The following FHIT variants were observed in gnomAD, a reference collection of about 807,000 sequenced individuals.
FHIT encodes bis(5'-adenosyl)-triphosphatase.
A neutral mutation model predicts 17.9 loss-of-function variants in FHIT; 19 were observed. The observed-to-expected ratio is 1.06, with a 90% CI of 0.74 to 1.56. The LOEUF (loss-of-function observed/expected upper bound fraction) is 1.56, where lower values mean the gene tolerates loss of function less well. FHIT is among the 40% of genes most tolerant of loss of function. The pLI is 0.00. For missense variants in FHIT, 248 were observed against 189.2 expected, an observed-to-expected ratio of 1.31 and a Z score of -1.82; for synonymous variants, 81 against 69.7, an observed-to-expected ratio of 1.16 and a Z score of -0.81.
chr3:61,086,213 T>C (rs983500069), intron 2 of FHIT, among the ~76,000 whole-genome samples: 14 of 152,166 alleles, frequency 9.2e-5, no homozygotes, highest in African/African-American at 2.2e-4. Context: ...TTCACTTAAG[T>C]ATGATATTTG....
chr3:61,144,018 G>T (rs1041843976), intron 2 of FHIT, among the ~76,000 whole-genome samples: 1 of 152,220 alleles, frequency 6.6e-6, no homozygotes, highest in South Asian at 2.1e-4. Context: ...CTATTCTATT[G>T]CCAATGTGCT....
chr3:60,657,034 C>A (rs1054359108), intron 4 of FHIT, among the ~76,000 whole-genome samples: 1 of 151,490 alleles, frequency 6.6e-6, no homozygotes, highest in African/African-American at 2.4e-5. Flanking sequence ...TAGACAAATT[C>A]AAACTCAAAC....
rs528408085 is a variant in FHIT at position 61,095,643 on chromosome 3, A to T, written c.-163-53544T>A. ...CCATCCATTGCCCCAACCTTAAAGC[A>T]TCTGTTTTAAAAAAAAAAATTCATC... is the stretch of plus-strand genomic sequence containing the variant. On this transcript the variant is annotated intron_variant, in intron 2 of 9. Coordinates refer to ENST00000492590, the MANE Select transcript of FHIT (RefSeq NM_002012.4). Among the ~76,000 whole-genome samples, 9 of 151,960 alleles carry T rather than the reference A, an allele frequency of 5.9e-5. No individual in the cohort carries two copies. The South Asian group carries it at 1.7e-3, about 28-fold the overall frequency.
chr3:59,981,539 A>G (rs1291987416), intron 7 of FHIT, among the ~76,000 whole-genome samples: 1 of 152,160 alleles, frequency 6.6e-6, no homozygotes, highest in Non-Finnish European at 1.5e-5. Context: ...AGATTCCCAC[A>G]GTGGCAGTGC....
chr3:61,104,156 T>C (rs2035922901), intron 2 of FHIT, among the ~76,000 whole-genome samples: 1 of 152,214 alleles, frequency 6.6e-6, no homozygotes, highest in South Asian at 2.1e-4. Context: ...GGTTGTTTTA[T>C]AGTGTCACTG....
At chr3:60,307,773 A>G (rs140073504) in intron 5 of FHIT, among the ~76,000 whole-genome samples, 16 of 152,262 alleles carry the variant, frequency 1.1e-4, no homozygotes, top group African/African-American at 3.4e-4. Flanking sequence ...CTGTTTCCCT[A>G]CTATGATGAT....
At chr3:60,421,350 T>C (rs1232516842) in intron 5 of FHIT, among the ~76,000 whole-genome samples, 1 of 152,102 alleles carries the variant, frequency 6.6e-6, no homozygotes, top group Non-Finnish European at 1.5e-5. Flanking sequence ...GCTCACAGAC[T>C]CGCATGTTTA....
intron 1 of FHIT, among the ~76,000 whole-genome samples, chr3:61,238,909 T>C (rs917442055): frequency 3.9e-5 from 6 of 152,210 alleles, no homozygotes; most frequent in African/African-American, 1.4e-4. Flanking sequence ...ATGGATGTGA[T>C]ACCGCATTAG....
intron 5 of FHIT, among the ~76,000 whole-genome samples, chr3:60,532,219 C>T (rs1397913849): frequency 6.6e-6 from 1 of 152,200 alleles, no homozygotes; most frequent in Non-Finnish European, 1.5e-5. Context: ...GTTGCTGTGT[C>T]TCCCTCATGT....
At chr3:60,405,510 A>G (rs1701824655) in intron 5 of FHIT, among the ~76,000 whole-genome samples, 1 of 152,190 alleles carries the variant, frequency 6.6e-6, no homozygotes, top group African/African-American at 2.4e-5. Context: ...TGTTCAGTGC[A>G]TCCTCATTCT....
intron 8 of FHIT, 92 bp from the exon 9 acceptor site, chr3:59,752,413 T>C (rs1304215139): frequency 2.2e-6 from 2 of 891,474 alleles, no homozygotes; most frequent in African/African-American, 1.7e-5. Flanking sequence ...TGAACAAAAT[T>C]TGCAAATTAG....
chr3:60,874,992 T>A lies in FHIT; in HGVS notation c.-110-52981A>T, dbSNP rs143332929. Among the ~76,000 whole-genome samples, 432 of 152,124 alleles carry A rather than the reference T, an allele frequency of 2.8e-3. 3 individuals carry two copies. Among genetic ancestry groups the A allele is most frequent in the African/African-American group, 0.01 (421 of 41,510 alleles). ...ACATTGTGAGTCTATGAGAGAGAAA[T>A]GAGATAATATAGAGAATATTTTTAA... is the stretch of plus-strand genomic sequence containing the variant. On this transcript the variant is annotated intron_variant, in intron 3 of 9. Transcript: ENST00000492590.
intron 3 of FHIT, among the ~76,000 whole-genome samples, chr3:60,839,261 C>G (rs1031343935): frequency 6.6e-6 from 1 of 152,020 alleles, no homozygotes; most frequent in Non-Finnish European, 1.5e-5. Context: ...TATCTTTAGT[C>G]TAATACGTAT....
At chr3:59,909,587 C>T (rs1704769522) in intron 8 of FHIT, among the ~76,000 whole-genome samples, 1 of 152,336 alleles carries the variant, frequency 6.6e-6, no homozygotes, top group Middle Eastern at 3.4e-3. Context: ...GCCTCTATCC[C>T]AGGGAGTATC....
intron 8 of FHIT, among the ~76,000 whole-genome samples, chr3:59,883,814 G>T (rs895508551): frequency 3.3e-5 from 5 of 152,156 alleles, no homozygotes; most frequent in Non-Finnish European, 7.3e-5. Context: ...AGAAAGTGAT[G>T]GGGGAAAATA....
At chr3:60,845,489 A>C (rs1420828272) in intron 3 of FHIT, among the ~76,000 whole-genome samples, 2 of 152,206 alleles carry the variant, frequency 1.3e-5, no homozygotes, top group Non-Finnish European at 2.9e-5. Context: ...GGGAATTTTA[A>C]GGACAGTTGC....
chr3:60,861,257 G>GATATATATC (rs1553752507), intron 3 of FHIT, among the ~76,000 whole-genome samples: 3 of 59,458 alleles, frequency 5.0e-5, no homozygotes, highest in Non-Finnish European at 1.1e-4. Flanking sequence ...TGATACATAT[G>GATATATATC]ATATATCATA....
chr3:60,690,484 T>C, intron 4 of FHIT: 1 of 567,554 alleles, frequency 1.8e-6, no homozygotes, highest in Non-Finnish European at 3.5e-6. Flanking sequence ...TTTCTCCCTG[T>C]AGATGGACTT....
At chr3:59,844,185 T>C (rs1044200616) in intron 8 of FHIT, among the ~76,000 whole-genome samples, 5 of 152,162 alleles carry the variant, frequency 3.3e-5, no homozygotes, top group African/African-American at 9.7e-5. Flanking sequence ...CTTTATAAAT[T>C]ACTCTGTCTC....
Sources: allele counts gnomAD v4.1 joint callset (sites outside exome capture counted in the v4.1 genomes callset), GRCh38; gene constraint gnomAD v4.1.1; transcripts MANE v1.5; gene names NCBI Gene and HGNC (gene_info 2026-07-23, HGNC 2026-07-21).